PDK1: variants seen among roughly 807,000 people sequenced by gnomAD.
PDK1 encodes pyruvate dehydrogenase kinase 1, also known as [Pyruvate dehydrogenase (acetyl-transferring)] kinase isozyme 1, mitochondrial.
PDK1 carries 39 observed loss-of-function variants against 54.2 expected under a neutral mutation model. The ratio of observed to expected loss-of-function variants is 0.72; its 90% confidence interval spans 0.56 to 0.94. PDK1 has a LOEUF of 0.94. Among genes scored for constraint, PDK1 ranks in the 40% least tolerant of loss-of-function variants. The pLI is 0.00. For missense variants in PDK1, 552 were observed against 566.0 expected (o/e 0.98, Z 0.25); for synonymous variants, 221 against 207.1 (o/e 1.07, Z -0.58).
chr2:172,630,289 A>AT, the PDK1 span, among the ~76,000 whole-genome samples: 10 of 151,992 alleles, frequency 6.6e-5, no homozygotes, highest in Admixed American at 2.0e-4. Context: ...ACAATCTTGT[A>AT]TTTTTTTCTT....
At chr2:172,588,565 C>T (rs1241584603) in intron 9 of PDK1, among the ~76,000 whole-genome samples, 1 of 152,158 alleles carries the variant, frequency 6.6e-6, no homozygotes, top group Non-Finnish European at 1.5e-5. Context: ...AAATAGGAGG[C>T]TTGACCTGGA....
At chr2:172,591,809 C>T (rs961766181) in intron 9 of PDK1, among the ~76,000 whole-genome samples, 2 of 152,198 alleles carry the variant, frequency 1.3e-5, no homozygotes, top group Non-Finnish European at 2.9e-5. Context: ...AATAAGACCT[C>T]GTTCAGTCCA....
the PDK1 span, among the ~76,000 whole-genome samples, chr2:172,709,175 A>G: frequency 2.7e-4 from 41 of 152,216 alleles, 1 homozygote; most frequent in Non-Finnish European, 4.9e-4. Context: ...CAATACATCT[A>G]CTACCACCAC....
chr2:172,590,065 T>G (rs1427436502), intron 9 of PDK1, among the ~76,000 whole-genome samples: 1 of 152,116 alleles, frequency 6.6e-6, no homozygotes, highest in African/African-American at 2.4e-5. Flanking sequence ...AGTGCTGGTA[T>G]GTTTTGAAGA....
At chr2:172,686,829 GTCTATCTA>G in the PDK1 span, among the ~76,000 whole-genome samples, 14 of 152,302 alleles carry the variant, frequency 9.2e-5, 1 homozygote, top group Admixed American at 7.8e-4. Flanking sequence ...CCATTTATGT[GTCTATCTA>G]TCTATATATC....
the PDK1 span, among the ~76,000 whole-genome samples, chr2:172,671,319 ATTATG>A: frequency 1.6e-3 from 239 of 151,436 alleles, 1 homozygote; most frequent in Admixed American, 4.1e-3. Flanking sequence ...ACTATAAATA[ATTATG>A]TTATAACTAT....
chr2:172,687,773 C>T, the PDK1 span, among the ~76,000 whole-genome samples: 1 of 152,150 alleles, frequency 6.6e-6, no homozygotes, highest in Non-Finnish European at 1.5e-5. Context: ...CACACATATT[C>T]CTCTCTGCCT....
chr2:172,584,379 TTTTG>T (rs1690090758), intron 8 of PDK1, among the ~76,000 whole-genome samples: 1 of 151,754 alleles, frequency 6.6e-6, no homozygotes, highest in African/African-American at 2.4e-5. Flanking sequence ...ACTGTTTTTT[TTTTG>T]TTTGTTGGTT....
At chr2:172,555,473 C>T (rs1688264291), upstream of PDK1, 1 of 152,152 alleles carries the variant, frequency 6.6e-6, no homozygotes, top group Admixed American at 6.5e-5. Flanking sequence ...TCTCTTCTCC[C>T]GGGGCCGCCG....
chr2:172,706,498 C>T, the PDK1 span, among the ~76,000 whole-genome samples: 2 of 151,670 alleles, frequency 1.3e-5, no homozygotes, highest in African/African-American at 4.8e-5. Flanking sequence ...AATCTCGGCT[C>T]ACTGCAGCCT....
chr2:172,570,063 C>G (rs145625378), intron 7 of PDK1, among the ~76,000 whole-genome samples: 2 of 152,188 alleles, frequency 1.3e-5, no homozygotes, highest in African/African-American at 2.4e-5. Context: ...AGGACTCAAT[C>G]GCAATTGCTG....
At chr2:172,715,665 A>T in the PDK1 span, among the ~76,000 whole-genome samples, 2 of 152,186 alleles carry the variant, frequency 1.3e-5, no homozygotes, top group African/African-American at 4.8e-5. Context: ...GGCAAAGAAC[A>T]CATGATGGGA....
chr2:172,671,933 T>C, the PDK1 span, among the ~76,000 whole-genome samples: 1 of 152,160 alleles, frequency 6.6e-6, no homozygotes, highest in South Asian at 2.1e-4. Flanking sequence ...TCAATAAATA[T>C]TTATTTCATG....
intron 7 of PDK1, among the ~76,000 whole-genome samples, 198 bp downstream of exon 7, chr2:172,569,015 CAGAA>C (rs1402518921): frequency 4.6e-4 from 70 of 152,158 alleles, no homozygotes; most frequent in Non-Finnish European, 1.5e-4. Context: ...ACTATGGAGT[CAGAA>C]AGACCTGGGT....
the PDK1 span, among the ~76,000 whole-genome samples, chr2:172,678,327 A>T: frequency 6.6e-6 from 1 of 151,706 alleles, no homozygotes. Flanking sequence ...GGCAAACTAG[A>T]TGTATGGTCA....
rs180895378 is a variant in PDK1, at chr2:172,606,336, A to G, written c.*10367A>G. 94 of 152,342 alleles carry G rather than the reference A, an allele frequency of 6.2e-4. No homozygotes were observed. Among genetic ancestry groups the G allele is most frequent in the African/African-American group, 2.2e-3 (90 of 41,594 alleles). 9.4% of individuals were successfully genotyped at this position (152,342 alleles called of 1,614,324 possible). A position where few individuals can be genotyped will look rare whatever the true frequency, so the allele number is the denominator to read the frequency against. ...GAACTTAATCAAACTCTTGGCATCC[A>G]CAGAAGGCTAGGAGGATGTAATGAA... On this transcript the variant is annotated 3_prime_UTR_variant, in exon 11 of 11. Transcript: ENST00000282077.
At chr2:172,622,422 A>G in the PDK1 span, among the ~76,000 whole-genome samples, 3 of 147,284 alleles carry the variant, frequency 2.0e-5, no homozygotes, top group Non-Finnish European at 4.5e-5. Context: ...TGTTTATATC[A>G]TGTGAGATAT....
At chr2:172,584,825 T>G (rs1690121889) in intron 8 of PDK1, among the ~76,000 whole-genome samples, 1 of 149,418 alleles carries the variant, frequency 6.7e-6, no homozygotes, top group South Asian at 2.1e-4. Flanking sequence ...CTGGGTAATT[T>G]TAAAGTTTTT....
At chr2:172,702,305 T>C in the PDK1 span, among the ~76,000 whole-genome samples, 28,716 of 152,014 alleles carry the variant, frequency 0.19, 3,296 homozygotes, top group African/African-American at 0.32. Context: ...GGTGAAACCC[T>C]GTCTCTACAA....
Sources: gnomAD v4.1 joint callset for allele counts (sites outside exome capture counted in the v4.1 genomes callset) on GRCh38, gnomAD v4.1.1 for gene constraint, MANE v1.5 for transcripts, NCBI Gene and HGNC (gene_info 2026-07-23, HGNC 2026-07-21) for gene names.